ENOX1: variants seen among roughly 807,000 people sequenced by gnomAD.
The protein encoded by ENOX1 is candidate growth-related and time keeping constitutive hydroquinone (NADH) oxidase.
A neutral mutation model predicts 82.5 loss-of-function variants in ENOX1; 42 were observed. That is an observed-to-expected ratio of 0.51 (90% CI 0.40 to 0.66). The LOEUF (loss-of-function observed/expected upper bound fraction) is 0.66, where lower values mean the gene tolerates loss of function less well. Ranked by LOEUF, ENOX1 falls within the 30% of genes least tolerant of loss-of-function variation. The probability of loss-of-function intolerance (pLI) is 0.00; values close to 1 mark genes in which losing one functional copy is unlikely to be tolerated. For synonymous variants in ENOX1, 271 were observed against 282.2 expected (o/e 0.96, Z 0.40); for missense variants, 608 against 811.6 (o/e 0.75, Z 3.05).
rs144695885 is a variant in ENOX1, at chr13:43,762,933, T to C, written c.-285+23719A>G. On this transcript the variant is annotated intron_variant, in intron 1 of 16. Coordinates refer to ENST00000690772, the MANE Select transcript of ENOX1 (RefSeq NM_001347969.2). ...TACTAATGGAAGTTAATCAATGCAA[T>C]GGATAGCTGAAAAAGGCAAACTGTG... Among the ~76,000 whole-genome samples, 57 of 152,332 alleles carry C rather than the reference T, an allele frequency of 3.7e-4. No individual in the cohort carries two copies. In the East Asian group the frequency reaches 0.011, roughly 28 times the overall value.
chr13:43,525,610 G>A (rs190312617), intron 2 of ENOX1, among the ~76,000 whole-genome samples: 142 of 152,134 alleles, frequency 9.3e-4, no homozygotes, highest in Admixed American at 1.8e-3. Flanking sequence ...CAATGCACAA[G>A]GGTTCCAATT....
intron 12 of ENOX1, among the ~76,000 whole-genome samples, chr13:43,291,174 C>T (rs145707343): frequency 2.2e-4 from 34 of 152,240 alleles, no homozygotes; most frequent in Middle Eastern, 6.8e-3. Flanking sequence ...CCTTTGAAAG[C>T]GGTTTTTAAC....
intron 1 of ENOX1, among the ~76,000 whole-genome samples, chr13:43,784,276 T>C (rs1288770187): frequency 6.6e-6 from 1 of 152,222 alleles, no homozygotes; most frequent in Non-Finnish European, 1.5e-5. Flanking sequence ...CATCTAAATT[T>C]AATAGGCCCA....
chr13:43,662,076 A>G (rs1329294), intron 2 of ENOX1, among the ~76,000 whole-genome samples: 53,572 of 151,906 alleles, frequency 0.35, 11,813 homozygotes, highest in African/African-American at 0.61. Context: ...CTTTGGGGCC[A>G]ACTCAATACA....
chr13:43,692,306 A>G (rs2086406785), intron 1 of ENOX1, among the ~76,000 whole-genome samples: 1 of 152,246 alleles, frequency 6.6e-6, no homozygotes, highest in South Asian at 2.1e-4. Context: ...TAAATCTTTA[A>G]ATGTTTTTTA....
intron 2 of ENOX1, among the ~76,000 whole-genome samples, chr13:43,663,028 C>G (rs116254367): frequency 6.6e-6 from 1 of 151,968 alleles, no homozygotes; most frequent in African/African-American, 2.4e-5. Flanking sequence ...GCAAAGTAAC[C>G]AATTCTGTGT....
chr13:43,274,338 A>G lies in ENOX1; in HGVS notation c.1447-4761T>C, dbSNP rs529072169. On this transcript the variant is annotated intron_variant, in intron 12 of 16. Coordinates refer to ENST00000690772, the MANE Select transcript of ENOX1 (RefSeq NM_001347969.2). ...TCCTAGACTGTTTTCTGCATTCTGC[A>G]AAGTTAATGTGCTCTTTTGTTTTCA... 3.3e-5 allele frequency among the ~76,000 whole-genome samples: 5 copies of G among 152,352 alleles called. No individual in the cohort carries two copies. The East Asian group carries it at 7.7e-4, about 23-fold the overall frequency.
At chr13:43,410,660 A>T (rs1177340678) in intron 5 of ENOX1, among the ~76,000 whole-genome samples, 3 of 151,030 alleles carry the variant, frequency 2.0e-5, no homozygotes, top group Non-Finnish European at 4.4e-5. Flanking sequence ...ACATATTACT[A>T]CAGTTAATTT....
intron 5 of ENOX1, among the ~76,000 whole-genome samples, chr13:43,405,177 A>AT (rs776260256): frequency 1.5e-4 from 23 of 152,202 alleles, no homozygotes; most frequent in Non-Finnish European, 2.4e-4. Flanking sequence ...TCCAGATTCT[A>AT]TTTTTTTATC....
chr13:43,709,756 T>A (rs2087563040), intron 1 of ENOX1, among the ~76,000 whole-genome samples: 1 of 152,156 alleles, frequency 6.6e-6, no homozygotes, highest in Admixed American at 6.5e-5. Flanking sequence ...AACTGATTTT[T>A]AAATGAGAAA....
chr13:43,685,873 AACACACACACACACAC>A (rs60259011), intron 1 of ENOX1, among the ~76,000 whole-genome samples: 2 of 141,420 alleles, frequency 1.4e-5, no homozygotes, highest in Non-Finnish European at 3.1e-5. Flanking sequence ...CCCAGAAGGA[AACACACACACACACAC>A]ACACACACAC....
intron 2 of ENOX1, among the ~76,000 whole-genome samples, chr13:43,520,633 A>G (rs9567208): frequency 0.35 from 53,069 of 151,984 alleles, 11,014 homozygotes; most frequent in East Asian, 0.81. Flanking sequence ...CCATGCAGAC[A>G]GAGGATTAGG....
chr13:43,371,823 C>T (rs1225997113), intron 5 of ENOX1, among the ~76,000 whole-genome samples: 1 of 152,034 alleles, frequency 6.6e-6, no homozygotes, highest in African/African-American at 2.4e-5. Flanking sequence ...CTGGGAGAGA[C>T]AAAAATAGAG....
chr13:43,689,225 G>A (rs774684536), intron 1 of ENOX1, among the ~76,000 whole-genome samples: 20 of 150,066 alleles, frequency 1.3e-4, no homozygotes, highest in Admixed American at 2.6e-4. Context: ...TCTACCACCA[G>A]AGTCAAAAAT....
chr13:43,692,149 CCTAAGGA>C (rs2086400765), intron 1 of ENOX1, among the ~76,000 whole-genome samples: 1 of 152,074 alleles, frequency 6.6e-6, no homozygotes, highest in African/African-American at 2.4e-5. Context: ...GAGAACTTGA[CCTAAGGA>C]TCCAGGGGAA....
chr13:43,542,431 CT>C (rs775618771), intron 2 of ENOX1, among the ~76,000 whole-genome samples: 1,892 of 117,908 alleles, frequency 0.016, 38 homozygotes, highest in African/African-American at 0.051. Flanking sequence ...TGTGCCCGGC[CT>C]TTTTTTTTTT....
intron 5 of ENOX1, among the ~76,000 whole-genome samples, chr13:43,389,568 T>A (rs1188657272): frequency 6.6e-6 from 1 of 152,158 alleles, no homozygotes; most frequent in Non-Finnish European, 1.5e-5. Context: ...CCAAAACATC[T>A]CCTTATTTCC....
intron 2 of ENOX1, among the ~76,000 whole-genome samples, chr13:43,635,472 A>C (rs2083378685): frequency 6.6e-6 from 1 of 152,234 alleles, no homozygotes; most frequent in East Asian, 1.9e-4. Context: ...AAGGAAAAAA[A>C]TATAATATAA....
At chr13:43,519,753 C>A (rs1321733909) in intron 2 of ENOX1, among the ~76,000 whole-genome samples, 1 of 152,098 alleles carries the variant, frequency 6.6e-6, no homozygotes, top group African/African-American at 2.4e-5. Context: ...ACTCTGAATC[C>A]CCTGCGATCC....
Sources: allele counts gnomAD v4.1 joint callset (sites outside exome capture counted in the v4.1 genomes callset), GRCh38; gene constraint gnomAD v4.1.1; transcripts MANE v1.5; gene names NCBI Gene and HGNC (gene_info 2026-07-23, HGNC 2026-07-21).